Variants in GRM8 observed in about 807,000 individuals in gnomAD.
GRM8 encodes glutamate metabotropic receptor 8.
Under a neutral mutation model 87.2 loss-of-function variants are expected in GRM8, and 47 were observed. That is an observed-to-expected ratio of 0.54 (90% CI 0.43 to 0.69). The LOEUF (loss-of-function observed/expected upper bound fraction) is 0.69. GRM8 is among the 30% of genes least tolerant of loss of function. The pLI is 0.00. For missense variants in GRM8, 1,019 were observed against 1,139.2 expected (o/e 0.89, Z 1.52); for synonymous variants, 396 against 404.5 (o/e 0.98, Z 0.25).
chr7:127,058,187 A>G (rs913650761), intron 3 of GRM8: 2 of 512,936 alleles, frequency 3.9e-6, no homozygotes, highest in Admixed American at 4.1e-5. Flanking sequence ...GCATAATATC[A>G]TCAAATTAAA....
intron 7 of GRM8, among the ~76,000 whole-genome samples, chr7:126,722,998 T>C (rs1416260243): frequency 6.9e-6 from 1 of 144,004 alleles, no homozygotes; most frequent in Non-Finnish European, 1.5e-5. Flanking sequence ...ATATAATTTA[T>C]ATATATAATT....
At chr7:126,806,822 G>C (rs908598322) in intron 6 of GRM8, among the ~76,000 whole-genome samples, 1 of 152,144 alleles carries the variant, frequency 6.6e-6, no homozygotes, top group East Asian at 1.9e-4. Context: ...CGGAGCCCGC[G>C]CCTACCCGGA....
intron 3 of GRM8, among the ~76,000 whole-genome samples, chr7:126,957,432 GCAGCCACCCA>G (rs1808831117): frequency 6.6e-6 from 1 of 152,096 alleles, no homozygotes; most frequent in African/African-American, 2.4e-5. Context: ...GGGCGCAGCT[GCAGCCACCCA>G]GCTGCAGCTC....
Position 126,953,133 on chromosome 7 carries a change from A to G in GRM8, c.728-48450T>C, listed in dbSNP as rs150644920. ...AAAGAAAAGGTATTGCCTTTACTTC[A>G]ACATAATTAAAAATGCTTTTTGGAA... On this transcript the variant is annotated intron_variant, in intron 3 of 10. Coordinates refer to ENST00000339582, the MANE Select transcript of GRM8 (RefSeq NM_000845.3). Among the ~76,000 whole-genome samples, 250 of 152,228 alleles carry G rather than the reference A, an allele frequency of 1.6e-3. 1 individual carries two copies. The highest frequency in any genetic ancestry group is 5.8e-3 in the African/African-American group (242 of 41,552).
chr7:126,767,816 A>G (rs1818356691), intron 7 of GRM8, among the ~76,000 whole-genome samples: 1 of 152,114 alleles, frequency 6.6e-6, no homozygotes, highest in African/African-American at 2.4e-5. Flanking sequence ...ATCCTGTATT[A>G]TCAGCTACTG....
intron 7 of GRM8, among the ~76,000 whole-genome samples, chr7:126,681,237 C>T (rs1284313114): frequency 6.6e-6 from 1 of 152,128 alleles, no homozygotes; most frequent in Non-Finnish European, 1.5e-5. Flanking sequence ...AGAACTCCCC[C>T]CTATTATTTT....
chr7:126,516,076 T>C (rs1812119755), intron 9 of GRM8, among the ~76,000 whole-genome samples: 1 of 152,108 alleles, frequency 6.6e-6, no homozygotes, highest in African/African-American at 2.4e-5. Context: ...TTTATTAAAT[T>C]CTTATAGCAA....
intron 6 of GRM8, among the ~76,000 whole-genome samples, chr7:126,772,127 C>T (rs978640991): frequency 5.9e-5 from 9 of 152,074 alleles, no homozygotes; most frequent in Non-Finnish European, 7.4e-5. Flanking sequence ...ACCAAATAGA[C>T]GCTGTTATTT....
chr7:126,913,953 C>G (rs1423520409), intron 3 of GRM8, among the ~76,000 whole-genome samples: 4 of 152,162 alleles, frequency 2.6e-5, no homozygotes, highest in Non-Finnish European at 5.9e-5. Flanking sequence ...TTCATTTTCT[C>G]TTTCTCACTT....
intron 2 of GRM8, among the ~76,000 whole-genome samples, chr7:127,210,205 T>G (rs1587282704): frequency 1.3e-5 from 2 of 152,332 alleles, no homozygotes; most frequent in Admixed American, 1.3e-4. Flanking sequence ...TGTTAGTTTT[T>G]TCAGTTTGGG....
intron 6 of GRM8, among the ~76,000 whole-genome samples, chr7:126,781,274 C>A (rs1253161113): frequency 6.6e-6 from 1 of 152,212 alleles, no homozygotes; most frequent in Non-Finnish European, 1.5e-5. Flanking sequence ...TCACTTGCCA[C>A]TCTGAGAATG....
At chr7:127,127,070 C>G (rs6956806) in intron 2 of GRM8, among the ~76,000 whole-genome samples, 15,321 of 151,794 alleles carry the variant, frequency 0.1, 2,612 homozygotes, top group African/African-American at 0.35. Flanking sequence ...CTGACAATAC[C>G]AAGTAGGGCA....
chr7:126,583,961 C>T (rs561717788), intron 8 of GRM8, among the ~76,000 whole-genome samples: 27 of 152,190 alleles, frequency 1.8e-4, no homozygotes, highest in Admixed American at 3.3e-4. Flanking sequence ...AAATCTTTCA[C>T]GAAAGAGTCC....
chr7:127,202,924 A>T (rs546780805), intron 2 of GRM8, among the ~76,000 whole-genome samples: 1 of 152,320 alleles, frequency 6.6e-6, no homozygotes, highest in African/African-American at 2.4e-5. Context: ...TTCCGAATAC[A>T]TTCATCTTTT....
intron 8 of GRM8, among the ~76,000 whole-genome samples, chr7:126,592,477 T>C (rs1796770575): frequency 1.3e-5 from 2 of 151,994 alleles, no homozygotes; most frequent in East Asian, 3.9e-4. Context: ...TGGTTCAACA[T>C]ATGTAAATTA....
chr7:126,958,225 C>T (rs1008759962), intron 3 of GRM8, among the ~76,000 whole-genome samples: 5 of 152,146 alleles, frequency 3.3e-5, no homozygotes, highest in African/African-American at 4.8e-5. Flanking sequence ...AACTCAGGAC[C>T]CACCGAATGG....
intron 7 of GRM8, among the ~76,000 whole-genome samples, chr7:126,735,317 T>C (rs545021641): frequency 4.1e-4 from 62 of 151,854 alleles, no homozygotes; most frequent in Admixed American, 7.9e-4. Context: ...AAAGAATAAA[T>C]ACAATGGCTA....
intron 3 of GRM8, among the ~76,000 whole-genome samples, chr7:126,940,623 C>T (rs952480661): frequency 1.3e-5 from 2 of 152,210 alleles, no homozygotes; most frequent in African/African-American, 4.8e-5. Flanking sequence ...CTCCATCACT[C>T]AAAACAAAAT....
chr7:126,530,729 A>G (rs571902470), intron 9 of GRM8, among the ~76,000 whole-genome samples: 2 of 152,346 alleles, frequency 1.3e-5, no homozygotes, highest in African/African-American at 4.8e-5. Context: ...CTTCTTATAG[A>G]GATATACAAG....
Sources: gnomAD v4.1 joint callset for allele counts (sites outside exome capture counted in the v4.1 genomes callset) on GRCh38, gnomAD v4.1.1 for gene constraint, MANE v1.5 for transcripts, NCBI Gene and HGNC (gene_info 2026-07-23, HGNC 2026-07-21) for gene names.